The following SLC9A7 variants were observed in gnomAD, a reference collection of about 807,000 sequenced individuals.
SLC9A7 encodes the protein sodium/hydrogen exchanger 7.
A neutral mutation model predicts 52.6 loss-of-function variants in SLC9A7; 19 were observed. That is an observed-to-expected ratio of 0.36 (90% CI 0.25 to 0.53). SLC9A7 has a LOEUF of 0.53. Among genes scored for constraint, SLC9A7 ranks in the 20% least tolerant of loss-of-function variants. The probability of loss-of-function intolerance (pLI) is 0.91; values close to 1 mark genes in which losing one functional copy is unlikely to be tolerated. For missense variants in SLC9A7, 455 were observed against 597.9 expected, an observed-to-expected ratio of 0.76 and a Z score of 2.49; for synonymous variants, 226 against 252.1, an observed-to-expected ratio of 0.90 and a Z score of 0.98.
intron 1 of SLC9A7, chrX:46,725,195 C>T: frequency 1.1e-6 from 1 of 909,971 alleles, no homozygotes; most frequent in East Asian, 3.1e-5. Context: ...CAAATTCATC[C>T]ACCAGAACTC....
In SLC9A7 at chrX:46,758,988, A is replaced by C; in HGVS notation, c.42T>G (p.Ala14=). 1 of 1,012,750 alleles carries C rather than the reference A, an allele frequency of 9.9e-7. No homozygotes were observed. Among genetic ancestry groups the C allele is most frequent in the Non-Finnish European group, 1.2e-6 (1 of 803,846 alleles). The allele number at this position is 1,012,750 out of a possible 1,213,427, so 83.5% of individuals were successfully genotyped here. A position where few individuals can be genotyped will look rare whatever the true frequency, so the allele number is the denominator to read the frequency against. ...GCAGCCGCGGCGGCGGCGCCCCGGT[A>C]GCCCGACCCGAGCCAGGGCGCGCCG... is the stretch of plus-strand genomic sequence containing the variant. The part of the protein sequence containing the change: ...GDAARPGSGR[A]TGAPPPRLLL... The change falls in exon 1 of 17, where the codon GCT becomes GCG. Residue 14 remains alanine (A), a synonymous_variant. Transcript: ENST00000616978.
chrX:46,693,746 A>G (rs1944411798), intron 1 of SLC9A7, among the ~76,000 whole-genome samples: 1 of 110,980 alleles, frequency 9.0e-6, no homozygotes, highest in Non-Finnish European at 1.9e-5. Flanking sequence ...ACAATAAAAT[A>G]AAAAATTGAT....
intron 16 of SLC9A7, among the ~76,000 whole-genome samples, chrX:46,611,399 AT>A (rs780465847): frequency 8.9e-6 from 1 of 112,184 alleles, no homozygotes; most frequent in African/African-American, 3.2e-5. Flanking sequence ...CATCCTACAT[AT>A]TTTTTTGTCA....
At chrX:46,680,611 G>A (rs188458680) in intron 2 of SLC9A7, among the ~76,000 whole-genome samples, 2 of 111,651 alleles carry the variant, frequency 1.8e-5, no homozygotes, top group African/African-American at 6.5e-5. Context: ...GAAATTTCTT[G>A]TAGGTTTGAT....
intron 7 of SLC9A7, among the ~76,000 whole-genome samples, chrX:46,658,353 G>A (rs1346641184): frequency 6.0e-5 from 6 of 99,829 alleles, no homozygotes; most frequent in African/African-American, 2.2e-4. Context: ...GCTAGCAGAA[G>A]GCAAGAAATA....
At chrX:46,615,365 G>A (rs950843763) in intron 15 of SLC9A7, among the ~76,000 whole-genome samples, 4 of 111,622 alleles carry the variant, frequency 3.6e-5, no homozygotes, top group African/African-American at 1.3e-4. Context: ...CGCGGAACCA[G>A]CTCCCCTTTG....
chrX:46,723,435 G>A (rs1043489773), intron 1 of SLC9A7, among the ~76,000 whole-genome samples: 37 of 109,760 alleles, frequency 3.4e-4, no homozygotes, highest in African/African-American at 1.1e-3. Context: ...AGACTTGCCC[G>A]GGTTTCCTCC....
Position 46,600,525 on chromosome X carries a change from G to T in SLC9A7, c.*6427C>A. ...AGGCTCAGGTAGCAGAAAACCGGCT[G>T]CCTGTGTGTTCCATATGGGCCACGA... On this transcript the variant is annotated 3_prime_UTR_variant, in exon 17 of 17. Coordinates refer to ENST00000616978, the MANE Select transcript of SLC9A7 (RefSeq NM_001257291.2). 1 of 111,914 alleles carries T rather than the reference G, an allele frequency of 8.9e-6. No individual in the cohort carries two copies. Among genetic ancestry groups the T allele is most frequent in the Non-Finnish European group, 1.9e-5 (1 of 53,204 alleles). The allele number at this position is 111,914 out of a possible 1,213,427, so 9.2% of individuals were successfully genotyped here.
At chrX:46,714,397 T>A (rs920950455) in intron 1 of SLC9A7, among the ~76,000 whole-genome samples, 2 of 111,271 alleles carry the variant, frequency 1.8e-5, no homozygotes, top group Non-Finnish European at 3.8e-5. Flanking sequence ...ATAATATACA[T>A]GCCTACTACG....
intron 16 of SLC9A7, among the ~76,000 whole-genome samples, chrX:46,609,113 C>T (rs370529673): frequency 1.6e-4 from 18 of 111,717 alleles, no homozygotes; most frequent in African/African-American, 5.9e-4. Flanking sequence ...GGGAAATGGT[C>T]CTGGCACATA....
intron 3 of SLC9A7, among the ~76,000 whole-genome samples, chrX:46,677,718 C>A (rs753016946): frequency 1.8e-5 from 2 of 112,183 alleles, no homozygotes; most frequent in African/African-American, 6.5e-5. Flanking sequence ...CCTGATGGGC[C>A]GGCATCCTCT....
intron 8 of SLC9A7, among the ~76,000 whole-genome samples, chrX:46,651,761 G>A (rs1943585137): frequency 9.4e-6 from 1 of 106,939 alleles, no homozygotes. Context: ...CTGGGAGGTC[G>A]AGGCTGCAGT....
intron 1 of SLC9A7, among the ~76,000 whole-genome samples, chrX:46,757,224 G>A (rs1217328959): frequency 1.8e-5 from 2 of 112,053 alleles, no homozygotes; most frequent in African/African-American, 6.5e-5. Context: ...TTACCTGCAG[G>A]CCTGGCATCA....
intron 1 of SLC9A7, among the ~76,000 whole-genome samples, chrX:46,692,240 A>C (rs1415304331): frequency 9.0e-6 from 1 of 111,582 alleles, no homozygotes; most frequent in Non-Finnish European, 1.9e-5. Flanking sequence ...CACTGATTTT[A>C]TTGCTCAATT....
intron 5 of SLC9A7, among the ~76,000 whole-genome samples, chrX:46,665,101 G>A (rs746651980): frequency 9.0e-6 from 1 of 110,579 alleles, no homozygotes; most frequent in South Asian, 3.9e-4. Flanking sequence ...GATGGGATGG[G>A]GATGACAGAC....
chrX:46,615,320 C>T (rs1014890931), intron 15 of SLC9A7, among the ~76,000 whole-genome samples: 1 of 112,304 alleles, frequency 8.9e-6, no homozygotes, highest in Non-Finnish European at 1.9e-5. Flanking sequence ...GGATTACAGG[C>T]GTGAGCCAAC....
chrX:46,738,846 G>A (rs1921094482), intron 1 of SLC9A7, among the ~76,000 whole-genome samples: 1 of 110,579 alleles, frequency 9.0e-6, no homozygotes, highest in African/African-American at 3.3e-5. Flanking sequence ...CCCGGGCACA[G>A]TTTCTCTGGC....
rs1191204619 is a variant in SLC9A7, at chrX:46,653,689, C to G, written c.1067G>C (p.Cys356Ser). Residue 356 changes from cysteine (C) to serine (S), a missense_variant, in exon 8 of 17, where the codon TGC (cysteine) becomes TCC (serine). This residue lies in a region of SLC9A7 where 304 missense variants were observed against 417.8 expected (regional missense o/e 0.73). Coordinates refer to ENST00000616978, the MANE Select transcript of SLC9A7 (RefSeq NM_001257291.2). ...CAGCGCCGTCTCCAGCAGGGGGAAG[C>G]AGTGCAGTTTGGTAAACTTAGTCAC... ...ALVTKFTKLHCFPLLETALFF... is the reference protein window; with the variant it reads ...ALVTKFTKLHSFPLLETALFF... 1 of 1,208,467 alleles carries G rather than the reference C, an allele frequency of 8.3e-7. No homozygotes were observed.
intron 1 of SLC9A7, among the ~76,000 whole-genome samples, chrX:46,738,091 GAAAGAAAGAAAGAAAGA>G (rs1920999121): frequency 3.2e-5 from 2 of 62,579 alleles, no homozygotes; most frequent in African/African-American, 8.5e-5. Context: ...AAGAAAGAAA[GAAAGAAAGAAAGAAAGA>G]GAAAAGAAAA....
Sources: allele counts gnomAD v4.1 joint callset (sites outside exome capture counted in the v4.1 genomes callset), GRCh38; gene constraint gnomAD v4.1.1; regional missense constraint gnomAD v4.1.1; transcripts MANE v1.5; gene names NCBI Gene and HGNC (gene_info 2026-07-23, HGNC 2026-07-21).